The following ST8SIA1 variants were observed in gnomAD, a reference collection of about 807,000 sequenced individuals.
ST8SIA1 encodes alpha-N-acetylneuraminide alpha-2,8-sialyltransferase.
A neutral mutation model predicts 35.9 loss-of-function variants in ST8SIA1; 16 were observed. That is an observed-to-expected ratio of 0.45 (90% CI 0.30 to 0.68). The LOEUF (loss-of-function observed/expected upper bound fraction) is 0.68, where lower values mean the gene tolerates loss of function less well. ST8SIA1 is among the 30% of genes least tolerant of loss of function. ST8SIA1 has a pLI of 0.09. For missense variants in ST8SIA1, 383 were observed against 453.6 expected (o/e 0.84, Z 1.41); for synonymous variants, 170 against 169.6 (o/e 1.00, Z -0.02).
At chr12:22,282,921 A>G (rs978308472) in intron 2 of ST8SIA1, among the ~76,000 whole-genome samples, 4 of 152,180 alleles carry the variant, frequency 2.6e-5, no homozygotes, top group Non-Finnish European at 4.4e-5. Flanking sequence ...TATTAAAAGA[A>G]AAAAAAATTG....
chr12:22,252,429 G>A (rs1361435425), intron 3 of ST8SIA1, among the ~76,000 whole-genome samples: 1 of 152,046 alleles, frequency 6.6e-6, no homozygotes. Context: ...ATCTGCAAAT[G>A]GTCAAATAAT....
chr12:22,207,762 A>G (rs1865129380), intron 4 of ST8SIA1, among the ~76,000 whole-genome samples: 1 of 152,198 alleles, frequency 6.6e-6, no homozygotes. Context: ...TATATAGCAT[A>G]AACCAATAAA....
At chr12:22,269,512 T>C (rs1460048835) in intron 2 of ST8SIA1, among the ~76,000 whole-genome samples, 2 of 152,228 alleles carry the variant, frequency 1.3e-5, no homozygotes, top group African/African-American at 4.8e-5. Flanking sequence ...TATGGATACC[T>C]TCCCTTCATG....
At chr12:22,310,406 G>A (rs1565593123) in intron 1 of ST8SIA1, among the ~76,000 whole-genome samples, 2 of 152,158 alleles carry the variant, frequency 1.3e-5, no homozygotes, top group Non-Finnish European at 1.5e-5. Context: ...CTGTGCTAAA[G>A]ACAAAGTGGC....
intron 4 of ST8SIA1, chr12:22,223,434 G>T: frequency 1.2e-6 from 1 of 834,728 alleles, no homozygotes; most frequent in Non-Finnish European, 1.4e-6. Context: ...AGTCCAAAGT[G>T]GAAAAGCTAA....
chr12:22,230,336 T>G (rs982230529), intron 4 of ST8SIA1, among the ~76,000 whole-genome samples: 1 of 152,172 alleles, frequency 6.6e-6, no homozygotes, highest in East Asian at 1.9e-4. Flanking sequence ...AGCACAGCTA[T>G]AGACTCTGAA....
At chr12:22,279,063 G>T (rs1866003829) in intron 2 of ST8SIA1, among the ~76,000 whole-genome samples, 1 of 152,172 alleles carries the variant, frequency 6.6e-6, no homozygotes, top group Non-Finnish European at 1.5e-5. Flanking sequence ...AAGACAGTAA[G>T]AACCTAAATG....
chr12:22,262,895 G>T (rs7956227), intron 2 of ST8SIA1, among the ~76,000 whole-genome samples: 2,878 of 152,302 alleles, frequency 0.019, 106 homozygotes, highest in African/African-American at 0.066. Context: ...ACAAGAGATT[G>T]CGGGCAGGCT....
intron 2 of ST8SIA1, among the ~76,000 whole-genome samples, chr12:22,284,176 A>C (rs1483406990): frequency 2.6e-5 from 4 of 152,006 alleles, no homozygotes; most frequent in Non-Finnish European, 5.9e-5. Context: ...ACCAACGACA[A>C]AAAAACAAAA....
At chr12:22,274,902 G>C (rs535700597) in intron 2 of ST8SIA1, among the ~76,000 whole-genome samples, 1 of 152,276 alleles carries the variant, frequency 6.6e-6, no homozygotes, top group Admixed American at 6.5e-5. Flanking sequence ...CTCACAGTGT[G>C]GTCAGCAGAA....
chr12:22,241,598 A>AT (rs71053392), intron 4 of ST8SIA1, among the ~76,000 whole-genome samples: 4,915 of 104,284 alleles, frequency 0.047, 319 homozygotes, highest in South Asian at 0.17. Context: ...AGACTCCGGT[A>AT]TTTTTTTTTT....
chr12:22,247,466 C>A (rs1170377938), intron 4 of ST8SIA1, among the ~76,000 whole-genome samples: 4 of 150,282 alleles, frequency 2.7e-5, no homozygotes. Context: ...AAAAAAATTT[C>A]TTGTAAGTGT....
intron 1 of ST8SIA1, among the ~76,000 whole-genome samples, chr12:22,317,099 AG>A (rs1387061702): frequency 1.3e-5 from 2 of 152,110 alleles, no homozygotes; most frequent in Non-Finnish European, 2.9e-5. Context: ...AGGATTTTTA[AG>A]GCATTTTTTT....
At position 22,260,677 on chromosome 12, in the gene ST8SIA1, G is replaced by A. The variant is rs966936296; in HGVS notation, c.382-5288C>T. Among the ~76,000 whole-genome samples the A allele has an allele frequency of 5.9e-5, 9 of 152,144 alleles. No homozygotes were observed. In the South Asian group the frequency reaches 6.2e-4, roughly 11 times the overall value. ...TTGTTCCATCTTCCAGGACTATTAC[G>A]AGAGTTAAAATAAGGTGAGGCATTT... On this transcript the variant is annotated intron_variant, in intron 2 of 4. Coordinates refer to ENST00000396037, the MANE Select transcript of ST8SIA1 (RefSeq NM_003034.4).
intron 1 of ST8SIA1, among the ~76,000 whole-genome samples, chr12:22,312,383 T>A (rs1866460577): frequency 6.6e-6 from 1 of 152,150 alleles, no homozygotes. Context: ...TAAGAGTTAT[T>A]AAAATTCAGT....
chr12:22,239,880 C>T (rs1262800681), intron 4 of ST8SIA1, among the ~76,000 whole-genome samples: 1 of 152,166 alleles, frequency 6.6e-6, no homozygotes, highest in African/African-American at 2.4e-5. Context: ...CATGGTGAGT[C>T]CAGAGATTGG....
chr12:22,259,978 G>A (rs4762898), intron 2 of ST8SIA1, among the ~76,000 whole-genome samples: 82,150 of 151,724 alleles, frequency 0.54, 22,630 homozygotes, highest in Middle Eastern at 0.76. Context: ...TATTTTTATT[G>A]AGGCATTGCA....
In ST8SIA1 at chr12:22,196,151, G is replaced by T. The variant is rs1488885227; in HGVS notation, c.*5401C>A. 4 of 152,322 alleles carry T rather than the reference G, an allele frequency of 2.6e-5. No homozygotes were observed. Among genetic ancestry groups the T allele is most frequent in the Admixed American group, 2.0e-4 (3 of 15,298 alleles). 9.4% of individuals were successfully genotyped at this position (152,322 alleles called of 1,614,324 possible). On this transcript the variant is annotated 3_prime_UTR_variant, in exon 5 of 5. Coordinates refer to ENST00000396037, the MANE Select transcript of ST8SIA1 (RefSeq NM_003034.4). ...TAATTCCTCTTCTGTGCTTTAAAAAGTTAGAGTCATAGGCTTTGATTATCT... is the reference window on the plus strand; with the variant it reads ...TAATTCCTCTTCTGTGCTTTAAAAATTTAGAGTCATAGGCTTTGATTATCT...
chr12:22,313,679 CCAATTTA>C (rs1866481073), intron 1 of ST8SIA1, among the ~76,000 whole-genome samples: 1 of 152,118 alleles, frequency 6.6e-6, no homozygotes, highest in South Asian at 2.1e-4. Flanking sequence ...ATGCATAAAG[CCAATTTA>C]CCAATTTTTA....
Sources: allele counts gnomAD v4.1 joint callset (sites outside exome capture counted in the v4.1 genomes callset), GRCh38; gene constraint gnomAD v4.1.1; transcripts MANE v1.5; gene names NCBI Gene and HGNC (gene_info 2026-07-23, HGNC 2026-07-21).